CDH17: variants seen among roughly 807,000 people sequenced by gnomAD.
CDH17 encodes the protein cadherin 17, also known as cadherin-17.
In CDH17, 67 loss-of-function variants were observed where a neutral mutation model predicts 86.3. The observed-to-expected ratio is 0.78, with a 90% confidence interval of 0.64 to 0.95. CDH17 has a LOEUF of 0.95. Among genes scored for constraint, CDH17 ranks in the 40% least tolerant of loss-of-function variants. The pLI, the probability that CDH17 is intolerant of heterozygous loss-of-function variation, is 0.00. For missense variants in CDH17, 993 were observed against 1,017.6 expected (o/e 0.98, Z 0.33); for synonymous variants, 367 against 366.4 (o/e 1.00, Z -0.02).
rs1217863702 is a variant in CDH17, at chr8:94,139,133, GTAGA to G, written c.2167+6791_2167+6794del. Among the ~76,000 whole-genome samples the G allele has an allele frequency of 2.0e-5, 3 of 152,236 alleles. No homozygotes were observed. In the East Asian group the frequency reaches 5.8e-4, roughly 29 times the overall value. Reference sequence around the variant, plus strand: ...TCAAGAAGCTACAAGACTGAGAAGTGTAGATAGATACAGAACATTTTAAAAACCC... The same window carrying G: ...TCAAGAAGCTACAAGACTGAGAAGTGTAGATACAGAACATTTTAAAAACCC... On this transcript the variant is annotated intron_variant, in intron 15 of 17. Transcript: ENST00000027335.
intron 2 of CDH17, among the ~76,000 whole-genome samples, chr8:94,194,361 A>G (rs1468646821): frequency 1.3e-5 from 2 of 152,240 alleles, no homozygotes; most frequent in African/African-American, 4.8e-5. Context: ...TGAGCTATAG[A>G]TAGATTTGTT....
chr8:94,160,052 A>G lies in CDH17; in HGVS notation c.1470T>C (p.His490=), dbSNP rs771075396. 10 of 1,613,708 alleles carry G rather than the reference A, an allele frequency of 6.2e-6. No homozygotes were observed. The South Asian group carries it at 8.8e-5, about 14-fold the overall frequency. Residue 490 remains histidine (H), a synonymous_variant, in exon 12 of 18, where the codon CAT becomes CAC. Coordinates refer to ENST00000027335, the MANE Select transcript of CDH17 (RefSeq NM_004063.4). ...GTCCCTCACTGTCTCCCTTTATGATATGATACAGAATTTTAGAACTCCCAG... is the reference window on the plus strand; with the variant it reads ...GTCCCTCACTGTCTCCCTTTATGATGTGATACAGAATTTTAGAACTCCCAG... The part of the protein sequence containing the change: ...PFTGSSKILY[H]IIKGDSEGRL...
intron 1 of CDH17, among the ~76,000 whole-genome samples, chr8:94,206,772 G>A (rs576720089): frequency 2.6e-5 from 4 of 151,274 alleles, no homozygotes; most frequent in South Asian, 2.1e-4. Context: ...CTCCCAAGTC[G>A]CTAGGACTAT....
chr8:94,160,992 G>T (rs1813040799), intron 11 of CDH17, among the ~76,000 whole-genome samples: 1 of 152,110 alleles, frequency 6.6e-6, no homozygotes, highest in African/African-American at 2.4e-5. Context: ...AAATCCCCCA[G>T]ATTATCTCTC....
chr8:94,155,769 C>T (rs964313654), intron 12 of CDH17, among the ~76,000 whole-genome samples: 1 of 152,192 alleles, frequency 6.6e-6, no homozygotes, highest in Non-Finnish European at 1.5e-5. Context: ...GGGATGGATT[C>T]GAGGTGATCC....
intron 7 of CDH17, among the ~76,000 whole-genome samples, chr8:94,171,623 T>C (rs1198231738): frequency 6.6e-6 from 1 of 152,222 alleles, no homozygotes; most frequent in African/African-American, 2.4e-5. Flanking sequence ...ATATTAATAA[T>C]GTTTACTGAG....
intron 15 of CDH17, among the ~76,000 whole-genome samples, chr8:94,131,748 A>T (rs1010842229): frequency 6.6e-6 from 1 of 152,106 alleles, no homozygotes; most frequent in African/African-American, 2.4e-5. Flanking sequence ...ATACGTAGGT[A>T]TACATGTGTC....
intron 2 of CDH17, among the ~76,000 whole-genome samples, chr8:94,191,559 C>A (rs993585376): frequency 6.6e-6 from 1 of 150,410 alleles, no homozygotes; most frequent in African/African-American, 2.5e-5. Flanking sequence ...TCAAGCGATT[C>A]GCCTGCCTCA....
chr8:94,215,710 C>A (rs1408936840), intron 1 of CDH17, among the ~76,000 whole-genome samples: 2 of 152,172 alleles, frequency 1.3e-5, no homozygotes, highest in African/African-American at 4.8e-5. Context: ...TGCATATTCA[C>A]TGCAAAATAA....
intron 3 of CDH17, among the ~76,000 whole-genome samples, chr8:94,180,826 C>A (rs569605868): frequency 4.0e-5 from 6 of 151,474 alleles, no homozygotes; most frequent in African/African-American, 1.5e-4. Flanking sequence ...ACCCAGAAGG[C>A]GGAGCTTGCA....
At position 94,160,381 on chromosome 8, in the gene CDH17, A is replaced by AGAG. The variant is rs1410722520; in HGVS notation, c.1360-222_1360-220dup. Among the ~76,000 whole-genome samples, 7 of 152,354 alleles carry AGAG rather than the reference A, an allele frequency of 4.6e-5. No homozygotes were observed. In the East Asian group the frequency reaches 1.3e-3, roughly 29 times the overall value. ...TGTACCAAAGAACGCAATACCTCAG[A>AGAG]GAGCTACTGGTAGGATTCTAAAACA... On this transcript the variant is annotated intron_variant, in intron 11 of 17. Transcript: ENST00000027335.
intron 1 of CDH17, among the ~76,000 whole-genome samples, chr8:94,216,875 C>T (rs1814202849): frequency 6.6e-6 from 1 of 152,188 alleles, no homozygotes; most frequent in African/African-American, 2.4e-5. Flanking sequence ...TGTGATTTGA[C>T]TGGTCTTTGG....
chr8:94,193,327 T>A (rs748968530), intron 2 of CDH17, among the ~76,000 whole-genome samples: 4 of 152,228 alleles, frequency 2.6e-5, no homozygotes, highest in African/African-American at 4.8e-5. Context: ...CAGTCCATTT[T>A]TCATGGAGGT....
Position 94,175,404 on chromosome 8 carries a change from T to A in CDH17, c.424+1137A>T, listed in dbSNP as rs140019203. Among the ~76,000 whole-genome samples, 5 of 152,124 alleles carry A rather than the reference T, an allele frequency of 3.3e-5. No individual in the cohort carries two copies. In the East Asian group the frequency reaches 9.7e-4, roughly 29 times the overall value. Reference sequence around the variant, plus strand: ...ACATAATAAACTGAAGTGAATTTTTTCCTGGAATTCTCGGAGGCAGGCATT... The same window carrying A: ...ACATAATAAACTGAAGTGAATTTTTACCTGGAATTCTCGGAGGCAGGCATT... On this transcript the variant is annotated intron_variant, in intron 5 of 17. Coordinates refer to ENST00000027335, the MANE Select transcript of CDH17 (RefSeq NM_004063.4).
intron 1 of CDH17, among the ~76,000 whole-genome samples, chr8:94,207,145 T>C (rs1814044276): frequency 6.6e-6 from 1 of 152,230 alleles, no homozygotes; most frequent in East Asian, 1.9e-4. Context: ...TTTATTATTC[T>C]CATATTTTTG....
intron 5 of CDH17, 53 bp downstream of exon 5, chr8:94,176,487 TC>T: frequency 6.3e-7 from 1 of 1,599,130 alleles, no homozygotes; most frequent in Non-Finnish European, 8.5e-7. Context: ...GTCTGCCCCT[TC>T]CACCTGACAC....
intron 12 of CDH17, among the ~76,000 whole-genome samples, chr8:94,155,819 G>A (rs1812935511): frequency 6.6e-6 from 1 of 152,168 alleles, no homozygotes; most frequent in Admixed American, 6.5e-5. Flanking sequence ...CAGTGTCAGT[G>A]TTCCCTAAAC....
At chr8:94,210,643 C>T (rs1157623980), upstream of CDH17, among the ~76,000 whole-genome samples, 1 of 152,094 alleles carries the variant, frequency 6.6e-6, no homozygotes, top group East Asian at 1.9e-4. Context: ...AATAGACTTG[C>T]TAATAATAGG....
Position 94,162,127 on chromosome 8 carries a change from T to C in CDH17, c.1318A>G (p.Ile440Val), listed in dbSNP as rs762621447. The C allele has an allele frequency of 1.2e-6, 2 of 1,607,788 alleles. No homozygotes were observed. The highest frequency in any genetic ancestry group is 1.7e-5 in the Admixed American group (1 of 59,982). The change falls in exon 11 of 18, where the codon ATT becomes GTT. Residue 440 changes from isoleucine (I) to valine (V), a missense_variant. By Grantham distance (29) the Ile-to-Val change is conservative (BLOSUM62 3). Transcript: ENST00000027335. ...ATGGGGATCTGATCATTGATATCAA[T>C]AACGTTGATTTGCACAAAACAAAGG... is the stretch of plus-strand genomic sequence containing the variant. ...KTLCFVQINV[I>V]DINDQIPIFE...
Sources: allele counts gnomAD v4.1 joint callset (sites outside exome capture counted in the v4.1 genomes callset), GRCh38; gene constraint gnomAD v4.1.1; transcripts MANE v1.5; gene names NCBI Gene and HGNC (gene_info 2026-07-23, HGNC 2026-07-21).